CHST15: variants seen among roughly 807,000 people sequenced by gnomAD.
CHST15 encodes carbohydrate sulfotransferase 15.
CHST15 carries 30 observed loss-of-function variants against 53.6 expected under a neutral mutation model. The observed-to-expected ratio is 0.56, with a 90% CI of 0.42 to 0.76. CHST15 has a LOEUF of 0.76. CHST15 is among the 30% of genes least tolerant of loss of function. The pLI is 0.00. For synonymous variants in CHST15, 296 were observed against 289.8 expected, an observed-to-expected ratio of 1.02 and a Z score of -0.22; for missense variants, 627 against 740.5, an observed-to-expected ratio of 0.85 and a Z score of 1.78.
Position 124,019,619 on chromosome 10 carries a change from G to A in CHST15, c.1347+1637C>T, listed in dbSNP as rs1290418506. The A allele has an allele frequency of 2.6e-5, 8 of 311,908 alleles. No individual in the cohort carries two copies. The highest frequency in any genetic ancestry group is 1.7e-4 in the East Asian group (1 of 5,850). 19.3% of individuals were successfully genotyped at this position (311,908 alleles called of 1,614,324 possible). ...CGTTTCCTTATGAAGGCTCCCTCCC[G>A]GGTTACATGAAATTTACGTTAAACA... On this transcript the variant is annotated intron_variant, in intron 6 of 7. Coordinates refer to ENST00000435907, the MANE Select transcript of CHST15 (RefSeq NM_001270764.2). The surrounding 1 kb of genome is among the most constrained non-coding windows in gnomAD (Gnocchi z 4.6).
At chr10:124,057,323 C>T (rs1948417460) in intron 1 of CHST15, among the ~76,000 whole-genome samples, 1 of 152,190 alleles carries the variant, frequency 6.6e-6, no homozygotes, top group Non-Finnish European at 1.5e-5. Flanking sequence ...CGTTGACTAG[C>T]CGGCGCAGCG....
intron 1 of CHST15, among the ~76,000 whole-genome samples, chr10:124,084,457 T>C (rs1243774733): frequency 6.7e-6 from 1 of 150,130 alleles, no homozygotes; most frequent in East Asian, 2.0e-4. Context: ...AGGAACAAGC[T>C]CCCCCATACC....
chr10:124,028,591 G>A (rs1947101649), intron 5 of CHST15, among the ~76,000 whole-genome samples: 4 of 152,186 alleles, frequency 2.6e-5, no homozygotes, highest in Admixed American at 6.5e-5. Flanking sequence ...CCTGATGAGC[G>A]ACTGCTGGTT....
At chr10:124,084,191 C>T (rs1419567705) in intron 1 of CHST15, among the ~76,000 whole-genome samples, 2 of 152,146 alleles carry the variant, frequency 1.3e-5, no homozygotes, top group Non-Finnish European at 2.9e-5. Context: ...GCAGGGGCCA[C>T]GCGCTGGCTG....
At chr10:124,016,967 C>G (rs1009852626) in intron 6 of CHST15, among the ~76,000 whole-genome samples, 1 of 152,138 alleles carries the variant, frequency 6.6e-6, no homozygotes, top group Admixed American at 6.5e-5. Flanking sequence ...GGAGTGCTGA[C>G]CCGCAGCAGG....
chr10:124,060,804 T>G (rs1232964318), intron 1 of CHST15, among the ~76,000 whole-genome samples: 2 of 152,216 alleles, frequency 1.3e-5, no homozygotes, highest in East Asian at 1.9e-4. Context: ...AGATCCAGCT[T>G]GCCTTGCTGG....
intron 6 of CHST15, chr10:124,020,944 A>G (rs4072196): frequency 0.89 from 1,237,268 of 1,388,190 alleles, 551,514 homozygotes; most frequent in South Asian, 0.91. Context: ...GGGTGTCCTC[A>G]TGTCTGCCGA....
Position 124,019,602 on chromosome 10 carries a change from T to G in CHST15, c.1347+1654A>C, listed in dbSNP as rs114722629. ...CCGTTTCTCCGGGTCTCCGTTTCCT[T>G]ATGAAGGCTCCCTCCCGGGTTACAT... is the stretch of plus-strand genomic sequence containing the variant. On this transcript the variant is annotated intron_variant, in intron 6 of 7. Coordinates refer to ENST00000435907, the MANE Select transcript of CHST15 (RefSeq NM_001270764.2). This position sits in a 1 kb window ranked among gnomAD's most constrained non-coding sequence, Gnocchi z 4.6. The G allele has an allele frequency of 8.6e-3, 2,204 of 256,390 alleles. 38 individuals carry two copies. The highest frequency in any genetic ancestry group is 0.044 in the African/African-American group (1,896 of 43,506). 15.9% of individuals were successfully genotyped at this position (256,390 alleles called of 1,614,324 possible). A position where few individuals can be genotyped will look rare whatever the true frequency, so the allele number is the denominator to read the frequency against.
At position 124,060,462 on chromosome 10, in the gene CHST15, G is replaced by A. The variant is rs1385465164; in HGVS notation, c.-512-13738C>T. ...TGGAGGTGTGCCAGCCCCACCAGGG[G>A]TGTGTGGAGGTGTGCCAGCCCCCCA... On this transcript the variant is annotated intron_variant, in intron 1 of 7. Transcript: ENST00000435907. Among the ~76,000 whole-genome samples the A allele has an allele frequency of 1.6e-4, 24 of 147,570 alleles. 1 individual carries two copies. Among genetic ancestry groups the A allele is most frequent in the African/African-American group, 6.0e-4 (24 of 39,972 alleles).
At chr10:124,086,717 G>C (rs997369854) in intron 1 of CHST15, among the ~76,000 whole-genome samples, 1 of 151,834 alleles carries the variant, frequency 6.6e-6, no homozygotes, top group African/African-American at 2.4e-5. Flanking sequence ...ACCTCACCCA[G>C]AAAAAAGTGA....
chr10:124,029,057 G>A (rs1947119534), intron 5 of CHST15, among the ~76,000 whole-genome samples: 1 of 152,226 alleles, frequency 6.6e-6, no homozygotes, highest in Non-Finnish European at 1.5e-5. Context: ...GTAATGAGAG[G>A]GAGCCAGGGC....
rs1946334965 is a variant in CHST15 at position 124,008,826 on chromosome 10, T to C, written c.*1323A>G. ...CTTCATCCAGGTCCCACCTGGGCTG[T>C]TGCCAAGGATGCTCAAGCGTTCTCT... is the stretch of plus-strand genomic sequence containing the variant. On this transcript the variant is annotated 3_prime_UTR_variant, in exon 8 of 8. Coordinates refer to ENST00000435907, the MANE Select transcript of CHST15 (RefSeq NM_001270764.2). 6 of 1,230,008 alleles carry C rather than the reference T, an allele frequency of 4.9e-6. No individual in the cohort carries two copies. The highest frequency in any genetic ancestry group is 2.8e-4 in the Middle Eastern group (1 of 3,634). The allele number at this position is 1,230,008 out of a possible 1,614,324, so 76.2% of individuals were successfully genotyped here. A position where few individuals can be genotyped will look rare whatever the true frequency, so the allele number is the denominator to read the frequency against.
rs984518636 is a variant in CHST15 at position 124,024,718 on chromosome 10, A to G, written c.1191-3306T>C. Among the ~76,000 whole-genome samples, 1 of 152,234 alleles carries G rather than the reference A, an allele frequency of 6.6e-6. No individual in the cohort carries two copies. The highest frequency in any genetic ancestry group is 1.5e-5 in the Non-Finnish European group (1 of 68,038). On this transcript the variant is annotated intron_variant, in intron 5 of 7. Coordinates refer to ENST00000435907, the MANE Select transcript of CHST15 (RefSeq NM_001270764.2). The surrounding 1 kb of genome is among the most constrained non-coding windows in gnomAD (Gnocchi z 4.0). Reference sequence around the variant, plus strand: ...CGCCATAGGGTCGCTCATGGTTACTATGACCTAAATGGCTGGTCAATAAGT... The same window carrying G: ...CGCCATAGGGTCGCTCATGGTTACTGTGACCTAAATGGCTGGTCAATAAGT...
chr10:124,008,616 C>A lies in CHST15; in HGVS notation c.*1533G>T. On this transcript the variant is annotated 3_prime_UTR_variant, in exon 8 of 8. Coordinates refer to ENST00000435907, the MANE Select transcript of CHST15 (RefSeq NM_001270764.2). ...TGTCCCTTCTCTGATGGCAGAAAGA[C>A]AACACCAGCAGAAAGACGGCTGAAC... is the stretch of plus-strand genomic sequence containing the variant. 1 of 1,033,462 alleles carries A rather than the reference C, an allele frequency of 9.7e-7. No individual in the cohort carries two copies. Among genetic ancestry groups the A allele is most frequent in the Non-Finnish European group, 1.2e-6 (1 of 856,324 alleles). The allele number at this position is 1,033,462 out of a possible 1,614,324, so 64.0% of individuals were successfully genotyped here. A position where few individuals can be genotyped will look rare whatever the true frequency, so the allele number is the denominator to read the frequency against.
chr10:124,053,620 A>G (rs1948280955), intron 1 of CHST15, among the ~76,000 whole-genome samples: 1 of 151,892 alleles, frequency 6.6e-6, no homozygotes, highest in Non-Finnish European at 1.5e-5. Flanking sequence ...CGATAGGCCA[A>G]TGTAATGATG....
At chr10:124,055,381 C>G (rs1948341206) in intron 1 of CHST15, among the ~76,000 whole-genome samples, 2 of 152,022 alleles carry the variant, frequency 1.3e-5, no homozygotes, top group African/African-American at 4.8e-5. Flanking sequence ...TGATCTCTGG[C>G]TCCCCTGCCT....
At position 124,044,889 on chromosome 10, in the gene CHST15, G is replaced by T; in HGVS notation, c.577C>A (p.Pro193Thr). The change falls in exon 3 of 8, where the codon CCA (proline) becomes ACA (threonine). Residue 193 changes from proline (P) to threonine (T), a missense_variant. Pro to Thr is a conservative substitution (Grantham distance 38). Transcript: ENST00000435907. The part of the protein sequence containing the change: ...MFSVIPNKFL[P>T]NSKSPCWYEE... ...TACCAACAGGGGCTCTTACTGTTTG[G>T]AAGGAATTTGTTGGGGATGACTGAA... 2.1e-6 allele frequency: 3 copies of T among 1,453,540 alleles called. No homozygotes were observed. Among genetic ancestry groups the T allele is most frequent in the Non-Finnish European group, 2.7e-6 (3 of 1,099,640 alleles). 90.0% of individuals were successfully genotyped at this position (1,453,540 alleles called of 1,614,324 possible).
intron 7 of CHST15, chr10:124,010,593 T>C (rs2133812426): frequency 1.0e-6 from 1 of 985,358 alleles, no homozygotes; most frequent in East Asian, 1.1e-4. Flanking sequence ...CAGCTGGCAT[T>C]TAATGATGAT....
chr10:124,064,374 G>T (rs1250126073), intron 1 of CHST15, among the ~76,000 whole-genome samples: 1 of 152,178 alleles, frequency 6.6e-6, no homozygotes, highest in African/African-American at 2.4e-5. Flanking sequence ...CTGTGTGATG[G>T]CCTCCCCATC....
Sources: allele counts gnomAD v4.1 joint callset (sites outside exome capture counted in the v4.1 genomes callset), GRCh38; gene constraint gnomAD v4.1.1; non-coding constraint Gnocchi (gnomAD v3.1); transcripts MANE v1.5; gene names NCBI Gene and HGNC (gene_info 2026-07-23, HGNC 2026-07-21).